Variants in XPR1 observed in about 807,000 individuals in gnomAD.
XPR1 encodes solute carrier family 53 member 1.
XPR1 carries 28 observed loss-of-function variants against 87.5 expected under a neutral mutation model. The ratio of observed to expected loss-of-function variants is 0.32; its 90% CI spans 0.24 to 0.44. XPR1 has a LOEUF of 0.44. Ranked by LOEUF, XPR1 falls within the 20% of genes least tolerant of loss-of-function variation. XPR1 has a pLI of 1.00. For synonymous variants in XPR1, 300 were observed against 306.1 expected, an observed-to-expected ratio of 0.98 and a Z score of 0.21; for missense variants, 559 against 862.3, an observed-to-expected ratio of 0.65 and a Z score of 4.41.
At chr1:180,847,301 T>C (rs984642221) in intron 11 of XPR1, among the ~76,000 whole-genome samples, 6 of 152,212 alleles carry the variant, frequency 3.9e-5, no homozygotes, top group African/African-American at 1.4e-4. Flanking sequence ...CATTAAACTT[T>C]CTATTGCAGA....
chr1:180,640,629 C>G (rs1055794671), intron 1 of XPR1, among the ~76,000 whole-genome samples: 1 of 152,050 alleles, frequency 6.6e-6, no homozygotes, highest in Non-Finnish European at 1.5e-5. Context: ...AGGTCTTAGT[C>G]TGCATAGTTT....
intron 1 of XPR1, among the ~76,000 whole-genome samples, chr1:180,645,251 G>A (rs1172298541): frequency 6.6e-6 from 1 of 152,232 alleles, no homozygotes; most frequent in Non-Finnish European, 1.5e-5. Context: ...GGGGTCTTTT[G>A]TAGTTGGGAG....
At chr1:180,714,349 T>TTTCTCTCTCTCTCTC (rs1393530457) in intron 2 of XPR1, among the ~76,000 whole-genome samples, 4 of 72,150 alleles carry the variant, frequency 5.5e-5, no homozygotes, top group African/African-American at 2.2e-4. Flanking sequence ...TTTTTCCCTG[T>TTTCTCTCTCTCTCTC]TCTCTCTCTC....
chr1:180,805,887 G>A (rs1558016904), intron 4 of XPR1, among the ~76,000 whole-genome samples, 175 bp from the exon 5 acceptor site: 1 of 152,050 alleles, frequency 6.6e-6, no homozygotes, highest in Non-Finnish European at 1.5e-5. Context: ...ATGAATAAAA[G>A]GAATAAAAAA....
chr1:180,881,399 G>A lies in XPR1; in HGVS notation c.2030+1102G>A, dbSNP rs997569714. ...AGGATGGTCTCGATCTCCTGACCTC[G>A]TGATCCGCCCGCATTGGCCTCCCAA... On this transcript the variant is annotated intron_variant, in intron 14 of 14. Transcript: ENST00000367590. Among the ~76,000 whole-genome samples the A allele has an allele frequency of 2.6e-5, 4 of 152,264 alleles. 1 individual carries two copies. The South Asian group carries it at 6.2e-4, about 24-fold the overall frequency.
At chr1:180,635,011 C>T (rs1654717529) in intron 1 of XPR1, among the ~76,000 whole-genome samples, 1 of 151,926 alleles carries the variant, frequency 6.6e-6, no homozygotes, top group Non-Finnish European at 1.5e-5. Context: ...TTTGATTTAA[C>T]TTTTAATGGC....
chr1:180,818,964 T>G (rs1451747274), intron 7 of XPR1, among the ~76,000 whole-genome samples: 2 of 152,270 alleles, frequency 1.3e-5, no homozygotes, highest in Admixed American at 6.5e-5. Flanking sequence ...TTTTTTTTCC[T>G]TCAGAGACAG....
At chr1:180,830,581 A>G (rs145588669) in intron 9 of XPR1, among the ~76,000 whole-genome samples, 4 of 152,350 alleles carry the variant, frequency 2.6e-5, no homozygotes, top group South Asian at 2.1e-4. Context: ...GAATATGTCT[A>G]TGAAATGAAT....
intron 11 of XPR1, among the ~76,000 whole-genome samples, chr1:180,856,026 C>T (rs1356014775): frequency 6.6e-6 from 1 of 152,084 alleles, no homozygotes; most frequent in Non-Finnish European, 1.5e-5. Flanking sequence ...TATGTACATG[C>T]TTAAGAGTCC....
At chr1:180,776,336 ATAAAG>A (rs1465875584) in intron 2 of XPR1, among the ~76,000 whole-genome samples, 7 of 152,206 alleles carry the variant, frequency 4.6e-5, no homozygotes, top group South Asian at 2.1e-4. Flanking sequence ...AACCAAATAC[ATAAAG>A]TAGTTATTGA....
intron 2 of XPR1, among the ~76,000 whole-genome samples, chr1:180,692,394 C>T (rs1657022640): frequency 6.6e-6 from 1 of 152,038 alleles, no homozygotes; most frequent in African/African-American, 2.4e-5. Flanking sequence ...AGCAAGCCAA[C>T]AAAATAGTTG....
At chr1:180,752,868 A>G (rs1647586409) in intron 2 of XPR1, among the ~76,000 whole-genome samples, 1 of 152,200 alleles carries the variant, frequency 6.6e-6, no homozygotes, top group Non-Finnish European at 1.5e-5. Context: ...GTTATTGATA[A>G]TGATTTTAGA....
chr1:180,665,513 C>G (rs193077780), intron 1 of XPR1, among the ~76,000 whole-genome samples: 191 of 152,316 alleles, frequency 1.3e-3, no homozygotes, highest in African/African-American at 4.4e-3. Flanking sequence ...CACTTTAGCC[C>G]TTGGTGGAAA....
intron 2 of XPR1, among the ~76,000 whole-genome samples, chr1:180,760,762 C>T (rs1226942513): frequency 6.6e-6 from 1 of 152,122 alleles, no homozygotes; most frequent in Non-Finnish European, 1.5e-5. Context: ...TTGGAAAAAC[C>T]TACTTTAAAG....
chr1:180,860,359 T>C (rs1032914057), intron 11 of XPR1, among the ~76,000 whole-genome samples: 2 of 152,068 alleles, frequency 1.3e-5, no homozygotes, highest in Non-Finnish European at 2.9e-5. Flanking sequence ...CTCACTCCTA[T>C]CCAAGGGAAA....
rs1393530457 is a variant in XPR1, at chr1:180,714,349, T to TTTCTCTC, written c.121+31939_121+31940insTCTCTCT. Among the ~76,000 whole-genome samples the TTTCTCTC allele has an allele frequency of 2.2e-3, 159 of 72,146 alleles. 1 individual carries two copies. The highest frequency in any genetic ancestry group is 8.2e-3 in the African/African-American group (150 of 18,244). 47.3% of individuals were successfully genotyped at this position (72,146 alleles called of 152,430 possible). ...ATTTTTCTCTCATATTTTTTCCCTG[T>TTTCTCTC]TCTCTCTCTCTCTCTCTCTCTCTCT... On this transcript the variant is annotated intron_variant, in intron 2 of 14. Transcript: ENST00000367590.
intron 3 of XPR1, among the ~76,000 whole-genome samples, chr1:180,795,084 G>T (rs1270914094): frequency 1.3e-5 from 2 of 152,104 alleles, no homozygotes; most frequent in Non-Finnish European, 2.9e-5. Context: ...TAACACCAAG[G>T]TCCATAAATT....
At chr1:180,702,264 T>C (rs1317169977) in intron 2 of XPR1, among the ~76,000 whole-genome samples, 4 of 119,538 alleles carry the variant, frequency 3.3e-5, no homozygotes, top group Non-Finnish European at 6.8e-5. Context: ...AGATTCTTAA[T>C]CCTGAGTTCT....
chr1:180,820,621 T>G (rs987066270), intron 7 of XPR1, among the ~76,000 whole-genome samples: 1 of 152,200 alleles, frequency 6.6e-6, no homozygotes, highest in Non-Finnish European at 1.5e-5. Flanking sequence ...CTGTTTAATT[T>G]TCTGAGGAGC....
Sources: gnomAD v4.1 joint callset for allele counts (sites outside exome capture counted in the v4.1 genomes callset) on GRCh38, gnomAD v4.1.1 for gene constraint, MANE v1.5 for transcripts, NCBI Gene and HGNC (gene_info 2026-07-23, HGNC 2026-07-21) for gene names.